OLFM1: variants seen among roughly 807,000 people sequenced by gnomAD.
The protein encoded by OLFM1 is noelin.
Under a neutral mutation model 49.7 loss-of-function variants are expected in OLFM1, and 9 were observed. The ratio of observed to expected loss-of-function variants is 0.18; its 90% CI spans 0.11 to 0.32. The LOEUF (loss-of-function observed/expected upper bound fraction) is 0.32. Ranked by LOEUF, OLFM1 falls within the 10% of genes least tolerant of loss-of-function variation. The pLI, the probability that OLFM1 is intolerant of heterozygous loss-of-function variation, is 1.00. For synonymous variants in OLFM1, 240 were observed against 271.8 expected (o/e 0.88, Z 1.15); for missense variants, 369 against 661.8 (o/e 0.56, Z 4.85).
intron 4 of OLFM1, among the ~76,000 whole-genome samples, chr9:135,104,620 C>T (rs1295422741): frequency 6.6e-6 from 1 of 152,198 alleles, no homozygotes; most frequent in Non-Finnish European, 1.5e-5. Flanking sequence ...AAAGTCCTCA[C>T]GGGATGTTCA....
intron 4 of OLFM1, among the ~76,000 whole-genome samples, chr9:135,101,550 C>T (rs1206553886): frequency 1.3e-5 from 2 of 152,220 alleles, no homozygotes; most frequent in African/African-American, 2.4e-5. Context: ...TTCCTAATGG[C>T]CCAGCCAGAA....
At chr9:135,091,923 A>T (rs1021575770) in intron 2 of OLFM1, among the ~76,000 whole-genome samples, 2 of 151,708 alleles carry the variant, frequency 1.3e-5, no homozygotes, top group African/African-American at 4.9e-5. Flanking sequence ...ATAGTCACAC[A>T]CGTTCACACA....
rs189040469 is a variant in OLFM1, at chr9:135,093,066, C to T, written c.300+2722C>T. On this transcript the variant is annotated intron_variant, in intron 2 of 5. Transcript: ENST00000371793. Reference sequence around the variant, plus strand: ...ACAGCTGAGCATATTCCAGCCAGGTCGGTATTTCTGTGCCCTGGCTTCACC... The same window carrying T: ...ACAGCTGAGCATATTCCAGCCAGGTTGGTATTTCTGTGCCCTGGCTTCACC... Among the ~76,000 whole-genome samples the T allele has an allele frequency of 2.3e-4, 35 of 152,300 alleles. No homozygotes were observed. In the East Asian group the frequency reaches 6.2e-3, roughly 27 times the overall value.
intron 1 of OLFM1, chr9:135,076,917 C>G: frequency 6.4e-7 from 1 of 1,550,656 alleles, no homozygotes; most frequent in Non-Finnish European, 8.7e-7. Context: ...CCTGGAAGCC[C>G]ACGCTGGCTC....
intron 4 of OLFM1, among the ~76,000 whole-genome samples, chr9:135,100,501 G>T (rs960809940): frequency 6.6e-6 from 1 of 152,228 alleles, no homozygotes; most frequent in African/African-American, 2.4e-5. Flanking sequence ...TTTCACCTCT[G>T]CGTTTAATTC....
chr9:135,106,985 G>A (rs1830953750), intron 5 of OLFM1, 130 bp downstream of exon 5: 3 of 704,028 alleles, frequency 4.3e-6, no homozygotes, highest in Admixed American at 2.8e-5. Context: ...TGGTGCCTGG[G>A]GGCGTTTGTT....
chr9:135,083,369 A>C (rs1453670577), upstream of OLFM1, among the ~76,000 whole-genome samples: 1 of 152,080 alleles, frequency 6.6e-6, no homozygotes, highest in Non-Finnish European at 1.5e-5. Flanking sequence ...CCTGCCAGGG[A>C]GAGTGCGGAG....
chr9:135,097,353 C>G (rs1272437041), intron 3 of OLFM1, among the ~76,000 whole-genome samples: 2 of 152,150 alleles, frequency 1.3e-5, no homozygotes, highest in Non-Finnish European at 2.9e-5. Flanking sequence ...TCATGAATTA[C>G]TCTGGAGGGA....
intron 5 of OLFM1, among the ~76,000 whole-genome samples, chr9:135,114,702 G>A (rs1831072666): frequency 6.6e-6 from 1 of 151,880 alleles, no homozygotes; most frequent in Non-Finnish European, 1.5e-5. Context: ...GGAGGGAGGG[G>A]CTGGCTGGGC....
chr9:135,098,538 C>T lies in OLFM1; in HGVS notation c.676+33C>T, dbSNP rs771670658. ...CAGTACCCTGCGGGACGTGGCGCTGCACTGCCCACCTCCGGCACACGCACA... is the reference window on the plus strand; with the variant it reads ...CAGTACCCTGCGGGACGTGGCGCTGTACTGCCCACCTCCGGCACACGCACA... On this transcript the variant is annotated intron_variant, in intron 4 of 5. Transcript: ENST00000371793. The surrounding 1 kb of genome is among the most constrained non-coding windows in gnomAD (Gnocchi z 5.6). 8 of 1,563,772 alleles carry T rather than the reference C, an allele frequency of 5.1e-6. No homozygotes were observed. The highest frequency in any genetic ancestry group is 7.0e-6 in the Non-Finnish European group (8 of 1,136,016).
chr9:135,098,359 T>G lies in OLFM1; in HGVS notation c.530T>G (p.Leu177Trp), dbSNP rs1328390433. 6.2e-7 allele frequency: 1 copy of G among 1,613,754 alleles called. No homozygotes were observed. Among genetic ancestry groups the G allele is most frequent in the East Asian group, 2.2e-5 (1 of 44,898 alleles). Residue 177 changes from leucine to tryptophan, a missense_variant, in exon 4 of 6, where the codon TTG becomes TGG. Coordinates refer to ENST00000371793, the MANE Select transcript of OLFM1 (RefSeq NM_001282611.2). The surrounding 1 kb of genome is among the most constrained non-coding windows in gnomAD (Gnocchi z 5.6). ...GAAGAGTACAAGGCCGATGCCAAATTGGTATTGCAGTTTAAAGAGGAGGTC... is the reference window on the plus strand; with the variant it reads ...GAAGAGTACAAGGCCGATGCCAAATGGGTATTGCAGTTTAAAGAGGAGGTC... ...VLEEYKADAK[L>W]VLQFKEEVQN...
chr9:135,105,005 T>A (rs576740921), intron 4 of OLFM1, among the ~76,000 whole-genome samples: 1 of 152,062 alleles, frequency 6.6e-6, no homozygotes, highest in South Asian at 2.1e-4. Context: ...CTCCTCTCCA[T>A]CCCTTTCTTC....
chr9:135,099,448 ACTATAAAC>A (rs1830841836), intron 4 of OLFM1, among the ~76,000 whole-genome samples: 2 of 152,238 alleles, frequency 1.3e-5, no homozygotes, highest in South Asian at 4.1e-4. Flanking sequence ...CAAGTGCCTT[ACTATAAAC>A]CTAAAACATC....
rs1025937030 is a variant in OLFM1 at position 135,113,845 on chromosome 9, G to A, written c.784-5659G>A. On this transcript the variant is annotated intron_variant, in intron 5 of 5. Transcript: ENST00000371793. This position sits in a 1 kb window ranked among gnomAD's most constrained non-coding sequence, Gnocchi z 4.0. ...GCTGCTGCAGGAGCTCCCACAGCCT[G>A]GGGGGCACCACAGGGGCTCACTGTC... Among the ~76,000 whole-genome samples the A allele has an allele frequency of 5.9e-5, 9 of 152,322 alleles. No homozygotes were observed. In the East Asian group the frequency reaches 1.7e-3, roughly 30 times the overall value.
intron 4 of OLFM1, chr9:135,106,353 T>G (rs1588216832): frequency 5.2e-6 from 1 of 190,858 alleles, no homozygotes. Flanking sequence ...CCCTTGGGGG[T>G]GGAGCCGCTG....
At chr9:135,104,186 C>A (rs78382118) in intron 4 of OLFM1, among the ~76,000 whole-genome samples, 1 of 152,040 alleles carries the variant, frequency 6.6e-6, no homozygotes, top group South Asian at 2.1e-4. Flanking sequence ...AGGAAGGGCA[C>A]GTCTTTAGGG....
At chr9:135,082,254 T>C (rs1225091767) in intron 1 of OLFM1, among the ~76,000 whole-genome samples, 1 of 152,124 alleles carries the variant, frequency 6.6e-6, no homozygotes, top group African/African-American at 2.4e-5. Context: ...CCAGCCCTTG[T>C]CCACATTCAG....
Position 135,088,705 on chromosome 9 carries a change from C to A in OLFM1, c.150+566C>A, listed in dbSNP as rs1017518188. Among the ~76,000 whole-genome samples, 5 of 152,202 alleles carry A rather than the reference C, an allele frequency of 3.3e-5. No homozygotes were observed. The highest frequency in any genetic ancestry group is 7.3e-5 in the Non-Finnish European group (5 of 68,032). On this transcript the variant is annotated intron_variant, in intron 1 of 5. Coordinates refer to ENST00000371793, the MANE Select transcript of OLFM1 (RefSeq NM_001282611.2). The surrounding 1 kb of genome is among the most constrained non-coding windows in gnomAD (Gnocchi z 4.8). Reference sequence around the variant, plus strand: ...TCCCAAAGTCCCAAGGCGCCCTTTCCTCCCCAGTCCATAGGAGGGTTTGTT... The same window carrying A: ...TCCCAAAGTCCCAAGGCGCCCTTTCATCCCCAGTCCATAGGAGGGTTTGTT...
At chr9:135,118,340 GTGCTCGCTGGGTCTTTGGAAA>G (rs1313973585) in intron 5 of OLFM1, among the ~76,000 whole-genome samples, 2 of 150,956 alleles carry the variant, frequency 1.3e-5, no homozygotes, top group East Asian at 2.0e-4. Context: ...GGTCTTTGGA[GTGCTCGCTGGGTCTTTGGAAA>G]TGCTCACTGG....
Sources: gnomAD v4.1 joint callset for allele counts (sites outside exome capture counted in the v4.1 genomes callset) on GRCh38, gnomAD v4.1.1 for gene constraint, Gnocchi (gnomAD v3.1) non-coding constraint, MANE v1.5 for transcripts, NCBI Gene and HGNC (gene_info 2026-07-23, HGNC 2026-07-21) for gene names.